The following TENM2 variants were observed in gnomAD, a reference collection of about 807,000 sequenced individuals.
TENM2 encodes teneurin-2.
A neutral mutation model predicts 245.2 loss-of-function variants in TENM2; 52 were observed. The ratio of observed to expected loss-of-function variants is 0.21; its 90% CI spans 0.17 to 0.27. The LOEUF is 0.27. Ranked by LOEUF, TENM2 falls within the 10% of genes least tolerant of loss-of-function variation. The pLI, the probability that TENM2 is intolerant of heterozygous loss-of-function variation, is 1.00. For synonymous variants in TENM2, 1,363 were observed against 1,438.9 expected (o/e 0.95, Z 1.19); for missense variants, 3,046 against 3,666.8 (o/e 0.83, Z 4.37).
In TENM2 at chr5:168,198,188, CTTTT is replaced by C. The variant is rs35539116; in HGVS notation, c.2901-643_2901-640del. On this transcript the variant is annotated intron_variant, in intron 15 of 28. Coordinates refer to ENST00000518659, the Ensembl canonical transcript of TENM2. ...GGGTGTAACTGTATGCCAATGAACC[CTTTT>C]TTTTTTTTTTTTTTTTTTTTTGAGA... 3.0e-3 allele frequency among the ~76,000 whole-genome samples: 287 copies of C among 95,820 alleles called. 1 individual carries two copies. Among genetic ancestry groups the C allele is most frequent in the African/African-American group, 0.013 (275 of 21,292 alleles). 62.9% of individuals were successfully genotyped at this position (95,820 alleles called of 152,430 possible). A position where few individuals can be genotyped will look rare whatever the true frequency, so the allele number is the denominator to read the frequency against.
the TENM2 span, among the ~76,000 whole-genome samples, chr5:167,175,380 A>G: frequency 6.6e-6 from 1 of 152,230 alleles, no homozygotes; most frequent in Non-Finnish European, 1.5e-5. Flanking sequence ...CTTTAAAATG[A>G]TGTAATAAAT....
At chr5:168,199,906 C>T in exon 17 of TENM2, 2 of 1,613,958 alleles carry the variant, frequency 1.2e-6, no homozygotes, top group Non-Finnish European at 8.5e-7. Context: ...CAATGTGAAA[C>T]TTCGCTATCT....
Position 167,474,809 on chromosome 5 carries a change from C to G in TENM2, c.502+99336C>G, listed in dbSNP as rs777896633. On this transcript the variant is annotated intron_variant, in intron 2 of 28. Transcript: ENST00000518659. ...GGGATTACAGGCGTGAGCCATTGCA[C>G]TTGGCCTAAAAAGAGATATTTGAAA... 2.0e-5 allele frequency among the ~76,000 whole-genome samples: 3 copies of G among 152,194 alleles called. No individual in the cohort carries two copies. In the East Asian group the frequency reaches 5.8e-4, roughly 29 times the overall value.
intron 2 of TENM2, among the ~76,000 whole-genome samples, chr5:167,569,142 C>T (rs1330481684): frequency 7.4e-6 from 1 of 135,608 alleles, no homozygotes; most frequent in Non-Finnish European, 1.5e-5. Flanking sequence ...TCTGTGCAGC[C>T]ATAGCTACAT....
chr5:167,570,176 G>A (rs1057488982), intron 2 of TENM2, among the ~76,000 whole-genome samples: 14 of 152,188 alleles, frequency 9.2e-5, no homozygotes, highest in African/African-American at 3.4e-4. Context: ...GATAGAACCA[G>A]TGTTTACATG....
intron 1 of TENM2, among the ~76,000 whole-genome samples, chr5:167,333,305 T>A (rs991133092): frequency 1.3e-5 from 2 of 152,196 alleles, no homozygotes; most frequent in African/African-American, 4.8e-5. Flanking sequence ...CTACAACTGC[T>A]TACTTCACCT....
chr5:167,882,246 AAC>A (rs1773938315), intron 3 of TENM2, among the ~76,000 whole-genome samples: 1 of 152,200 alleles, frequency 6.6e-6, no homozygotes, highest in African/African-American at 2.4e-5. Context: ...CTGTTTGGCA[AAC>A]ACACATATCC....
Position 167,646,125 on chromosome 5 carries a change from T to G in TENM2, c.503-229861T>G, listed in dbSNP as rs568760638. 3.4e-5 allele frequency among the ~76,000 whole-genome samples: 5 copies of G among 145,146 alleles called. No homozygotes were observed. The South Asian group carries it at 1.1e-3, about 32-fold the overall frequency. On this transcript the variant is annotated intron_variant, in intron 2 of 28. Coordinates refer to ENST00000518659, the Ensembl canonical transcript of TENM2. The stretch of plus-strand genomic sequence containing the variant: ...ATACACACACACATATATATGTGCA[T>G]ATATATGTTTTTATATATATATGTT...
At chr5:168,022,631 TG>T (rs1786254573) in intron 5 of TENM2, among the ~76,000 whole-genome samples, 1 of 152,110 alleles carries the variant, frequency 6.6e-6, no homozygotes, top group Non-Finnish European at 1.5e-5. Flanking sequence ...AATAAAATAG[TG>T]GGGGTGAAGG....
intron 2 of TENM2, among the ~76,000 whole-genome samples, chr5:167,559,304 A>G (rs6898357): frequency 0.64 from 97,011 of 151,952 alleles, 31,755 homozygotes; most frequent in East Asian, 0.74. Flanking sequence ...TTAGCTGAAT[A>G]TGCCCAGAAA....
At chr5:168,009,930 G>A (rs1332201198) in intron 5 of TENM2, among the ~76,000 whole-genome samples, 2 of 152,100 alleles carry the variant, frequency 1.3e-5, no homozygotes, top group South Asian at 2.1e-4. Flanking sequence ...CCATTTCTAA[G>A]CTCAGTTAGG....
chr5:167,080,620 A>G, the TENM2 span, among the ~76,000 whole-genome samples: 2 of 152,166 alleles, frequency 1.3e-5, no homozygotes, highest in African/African-American at 4.8e-5. Flanking sequence ...GCTAAAATAA[A>G]TAAACAAATG....
chr5:167,413,405 A>T (rs1226445728), intron 2 of TENM2, among the ~76,000 whole-genome samples: 1 of 152,156 alleles, frequency 6.6e-6, no homozygotes, highest in South Asian at 2.1e-4. Flanking sequence ...ATAAACTTGT[A>T]TGAGGTCAAA....
chr5:168,133,756 T>C (rs1463838913), intron 12 of TENM2, among the ~76,000 whole-genome samples: 1 of 152,202 alleles, frequency 6.6e-6, no homozygotes, highest in African/African-American at 2.4e-5. Flanking sequence ...CCCCACTTCG[T>C]CCATTTATAT....
the TENM2 span, among the ~76,000 whole-genome samples, chr5:167,040,894 CT>C: frequency 1.3e-5 from 2 of 152,110 alleles, no homozygotes; most frequent in Non-Finnish European, 2.9e-5. Flanking sequence ...TAAATTGTGT[CT>C]GTATATCATA....
At chr5:168,127,659 A>G (rs1795951481) in intron 12 of TENM2, among the ~76,000 whole-genome samples, 1 of 152,194 alleles carries the variant, frequency 6.6e-6, no homozygotes, top group South Asian at 2.1e-4. Context: ...AAACGTACCT[A>G]ATCATCCCTT....
intron 2 of TENM2, among the ~76,000 whole-genome samples, chr5:167,606,468 T>A (rs956889362): frequency 2.6e-5 from 4 of 152,034 alleles, no homozygotes; most frequent in African/African-American, 9.7e-5. Context: ...GGCACTAATC[T>A]CATCATCAGG....
intron 2 of TENM2, among the ~76,000 whole-genome samples, chr5:167,550,384 G>T (rs1772849274): frequency 6.6e-6 from 1 of 152,122 alleles, no homozygotes; most frequent in South Asian, 2.1e-4. Context: ...TGCCTTTTAG[G>T]ATCAAAATAT....
rs532327701 is a variant in TENM2 at position 167,562,627 on chromosome 5, A to G, written c.502+187154A>G. On this transcript the variant is annotated intron_variant, in intron 2 of 28. Coordinates refer to ENST00000518659, the Ensembl canonical transcript of TENM2. The stretch of plus-strand genomic sequence containing the variant: ...AAGAGCTCAGAATGTGAAGTATTCA[A>G]ATGGAAGCCTGTGACTGCTGCTTGG... Among the ~76,000 whole-genome samples the G allele has an allele frequency of 2.6e-5, 4 of 152,286 alleles. No individual in the cohort carries two copies. In the South Asian group the frequency reaches 6.2e-4, roughly 24 times the overall value.
Sources: gnomAD v4.1 joint callset for allele counts (sites outside exome capture counted in the v4.1 genomes callset) on GRCh38, gnomAD v4.1.1 for gene constraint, MANE v1.5 for transcripts, NCBI Gene and HGNC (gene_info 2026-07-23, HGNC 2026-07-21) for gene names.